CREBRF: variants seen among roughly 807,000 people sequenced by gnomAD.
CREBRF encodes CREB3 regulatory factor.
In CREBRF, 5 loss-of-function variants were observed where a neutral mutation model predicts 66.1. The observed-to-expected ratio is 0.08, with a 90% confidence interval of 0.04 to 0.16. The LOEUF (loss-of-function observed/expected upper bound fraction) is 0.16, where lower values mean the gene tolerates loss of function less well. CREBRF is among the 10% of genes least tolerant of loss of function. The pLI, the probability that CREBRF is intolerant of heterozygous loss-of-function variation, is 1.00. For missense variants in CREBRF, 531 were observed against 744.9 expected (o/e 0.71, Z 3.34); for synonymous variants, 229 against 264.4 (o/e 0.87, Z 1.30).
intron 7 of CREBRF, among the ~76,000 whole-genome samples, chr5:173,117,877 A>AT (rs34542140): frequency 0.38 from 49,363 of 130,562 alleles, 10,034 homozygotes; most frequent in Non-Finnish European, 0.45. Flanking sequence ...CACCTGACTG[A>AT]TTTTTTTTTT....
At chr5:173,069,570 G>A (rs1645306228) in intron 1 of CREBRF, among the ~76,000 whole-genome samples, 1 of 151,934 alleles carries the variant, frequency 6.6e-6, no homozygotes, top group African/African-American at 2.4e-5. Flanking sequence ...GATCCACCCA[G>A]CTTGGCCTCC....
chr5:173,137,299 C>T lies in CREBRF; in HGVS notation c.*3554C>T, dbSNP rs1457951606. On this transcript the variant is annotated 3_prime_UTR_variant, in exon 9 of 9. Transcript: ENST00000296953. ...AAGAGAATCAGAACTATTACAAAAG[C>T]ATCATGAAGGATTTCAGATGGGTAT... 6.6e-6 allele frequency: 1 copy of T among 152,054 alleles called. No homozygotes were observed. The highest frequency in any genetic ancestry group is 1.5e-5 in the Non-Finnish European group (1 of 67,938). The allele number at this position is 152,054 out of a possible 1,614,324, so 9.4% of individuals were successfully genotyped here.
chr5:173,107,773 T>C (rs1017912335), intron 4 of CREBRF, among the ~76,000 whole-genome samples: 1 of 151,926 alleles, frequency 6.6e-6, no homozygotes, highest in African/African-American at 2.4e-5. Context: ...ACCCAGGAGT[T>C]TGAGACCAGC....
Position 173,086,631 on chromosome 5 carries a change from G to A in CREBRF, c.135+5G>A. ...CCAGATTTCATGTATGAACTGGTAA[G>A]CAACATTTTCTTGGTTTTGGTCTTG... On this transcript the variant is annotated splice_donor_5th_base_variant and intron_variant, in intron 3 of 8. Coordinates refer to ENST00000296953, the MANE Select transcript of CREBRF (RefSeq NM_153607.3). 1.2e-6 allele frequency: 2 copies of A among 1,605,596 alleles called. No individual in the cohort carries two copies. The highest frequency in any genetic ancestry group is 1.7e-6 in the Non-Finnish European group (2 of 1,176,602).
rs1424705246 is a variant in CREBRF, at chr5:173,095,413, T to A, written c.1222+4012T>A. ...ACTGTCTTAGCCAGGATGGTCTCGA[T>A]CTCCTGACCTCGTGATCTGCCAGCC... On this transcript the variant is annotated intron_variant, in intron 4 of 8. Transcript: ENST00000296953. 2.0e-5 allele frequency among the ~76,000 whole-genome samples: 3 copies of A among 151,926 alleles called. No homozygotes were observed. The East Asian group carries it at 5.8e-4, about 29-fold the overall frequency.
intron 1 of CREBRF, among the ~76,000 whole-genome samples, chr5:173,064,459 C>T (rs926673195): frequency 1.3e-5 from 2 of 152,108 alleles, no homozygotes; most frequent in Non-Finnish European, 2.9e-5. Flanking sequence ...TCACGGCTCA[C>T]TGCAGCCTTG....
intron 2 of CREBRF, among the ~76,000 whole-genome samples, chr5:173,082,407 G>T (rs73331174): frequency 0.03 from 4,521 of 151,860 alleles, 210 homozygotes; most frequent in African/African-American, 0.1. Context: ...GAAAGGTTCT[G>T]CAGGCTGGAA....
intron 4 of CREBRF, among the ~76,000 whole-genome samples, chr5:173,102,815 G>A (rs949611367): frequency 6.6e-6 from 1 of 152,096 alleles, no homozygotes; most frequent in African/African-American, 2.4e-5. Flanking sequence ...CTGCTGGCTT[G>A]GTGCTGGGGT....
chr5:173,087,899 C>T (rs1267031045), intron 3 of CREBRF, among the ~76,000 whole-genome samples: 1 of 151,296 alleles, frequency 6.6e-6, no homozygotes, highest in East Asian at 2.0e-4. Flanking sequence ...TCTCGGCTCA[C>T]TGCAACCTCC....
At chr5:173,133,057 T>A (rs10055297) in intron 8 of CREBRF, among the ~76,000 whole-genome samples, 8 of 152,288 alleles carry the variant, frequency 5.3e-5, no homozygotes, top group African/African-American at 1.7e-4. Context: ...ATGAGGAAGA[T>A]GAGAAAATCT....
intron 1 of CREBRF, among the ~76,000 whole-genome samples, chr5:173,065,069 G>C (rs1174496120): frequency 6.6e-6 from 1 of 152,158 alleles, no homozygotes; most frequent in African/African-American, 2.4e-5. Flanking sequence ...TCCTCTACTA[G>C]AGTTGCCCAT....
intron 7 of CREBRF, among the ~76,000 whole-genome samples, chr5:173,116,464 C>G (rs1252061319): frequency 6.6e-6 from 1 of 152,206 alleles, no homozygotes; most frequent in African/African-American, 2.4e-5. Flanking sequence ...TAAGATCTTA[C>G]ATTGATGGAA....
At chr5:173,085,707 G>A (rs1581675234) in intron 2 of CREBRF, 21 of 739,590 alleles carry the variant, frequency 2.8e-5, no homozygotes, top group Non-Finnish European at 4.8e-5. Flanking sequence ...GTGAGCCACC[G>A]CACCCGGCCA....
rs576146005 is a variant in CREBRF, at chr5:173,090,945, C to G, written c.766C>G (p.His256Asp). 1.4e-5 allele frequency: 23 copies of G among 1,614,068 alleles called. No homozygotes were observed. The highest frequency in any genetic ancestry group is 1.9e-5 in the Non-Finnish European group (23 of 1,180,044). Residue 256 changes from histidine to aspartate, a missense_variant, in exon 4 of 9, where the codon CAC becomes GAC. Around this residue, in one of 5 missense-constraint regions of CREBRF, gnomAD observed 309 missense variants for 341.4 expected, o/e 0.90. Transcript: ENST00000296953. This position sits in a 1 kb window ranked among gnomAD's most constrained non-coding sequence, Gnocchi z 4.5. Reference sequence around the variant, plus strand: ...GAGCCGGCCCTTGTTGAGCCAGATTCACACAGATGCAGCAAAGGAGAACAC... The same window carrying G: ...GAGCCGGCCCTTGTTGAGCCAGATTGACACAGATGCAGCAAAGGAGAACAC... ...QQSRPLLSQI[H>D]TDAAKENTCY...
At chr5:173,094,693 G>A (rs1238015944) in intron 4 of CREBRF, among the ~76,000 whole-genome samples, 1 of 152,132 alleles carries the variant, frequency 6.6e-6, no homozygotes, top group African/African-American at 2.4e-5. Flanking sequence ...CTTATCAGAT[G>A]TATGGTTTGC....
At chr5:173,095,156 A>G (rs1758446041) in intron 4 of CREBRF, among the ~76,000 whole-genome samples, 1 of 148,646 alleles carries the variant, frequency 6.7e-6, no homozygotes, top group African/African-American at 2.5e-5. Flanking sequence ...TTTTTATGCC[A>G]GTACCATATT....
chr5:173,123,237 A>G, intron 8 of CREBRF, 35 bp downstream of exon 8: 2 of 1,575,688 alleles, frequency 1.3e-6, no homozygotes, highest in Non-Finnish European at 8.6e-7. Flanking sequence ...ATAACAATTA[A>G]TAATATGTGT....
At chr5:173,112,417 T>C (rs751045582) in intron 7 of CREBRF, 38 bp downstream of exon 7, 2 of 1,342,380 alleles carry the variant, frequency 1.5e-6, no homozygotes, top group East Asian at 2.4e-5. Flanking sequence ...TAACCACCTA[T>C]TGATTTGCTG....
chr5:173,133,081 G>C (rs1003328529), intron 8 of CREBRF, among the ~76,000 whole-genome samples: 1 of 152,142 alleles, frequency 6.6e-6, no homozygotes, highest in Non-Finnish European at 1.5e-5. Context: ...TACTTATGCT[G>C]CTCCCACCTT....
Sources: allele counts gnomAD v4.1 joint callset (sites outside exome capture counted in the v4.1 genomes callset), GRCh38; gene constraint gnomAD v4.1.1; regional missense constraint gnomAD v4.1.1; non-coding constraint Gnocchi (gnomAD v3.1); transcripts MANE v1.5; gene names NCBI Gene and HGNC (gene_info 2026-07-23, HGNC 2026-07-21).